The following ANKS1B variants were observed in gnomAD, a reference collection of about 807,000 sequenced individuals.
ANKS1B encodes the protein ankyrin repeat and sterile alpha motif domain-containing protein 1B.
In ANKS1B, 36 loss-of-function variants were observed where a neutral mutation model predicts 148.3. That is an observed-to-expected ratio of 0.24 (90% CI 0.19 to 0.32). The LOEUF is 0.32. ANKS1B is among the 10% of genes least tolerant of loss of function. The pLI is 1.00. For synonymous variants in ANKS1B, 542 were observed against 560.8 expected, an observed-to-expected ratio of 0.97 and a Z score of 0.47; for missense variants, 1,157 against 1,542.6, an observed-to-expected ratio of 0.75 and a Z score of 4.19.
At chr12:99,971,236 T>G (rs2095554487) in intron 1 of ANKS1B, among the ~76,000 whole-genome samples, 1 of 152,196 alleles carries the variant, frequency 6.6e-6, no homozygotes, top group Non-Finnish European at 1.5e-5. Flanking sequence ...CGTTCTCTGC[T>G]TATGTCTTCA....
At chr12:99,540,218 G>A (rs2097111903) in intron 9 of ANKS1B, among the ~76,000 whole-genome samples, 1 of 152,076 alleles carries the variant, frequency 6.6e-6, no homozygotes, top group African/African-American at 2.4e-5. Context: ...AATAGTTGGA[G>A]ACTTCAATAT....
intron 3 of ANKS1B, 129 bp downstream of exon 3, chr12:99,812,026 T>C: frequency 1.7e-6 from 2 of 1,153,756 alleles, no homozygotes; most frequent in Non-Finnish European, 2.4e-6. Flanking sequence ...TTCAAATTTC[T>C]CCTTTTAGGA....
chr12:99,909,217 C>CGTGTGTGTGTGT (rs60264932), intron 1 of ANKS1B, among the ~76,000 whole-genome samples: 4 of 137,394 alleles, frequency 2.9e-5, no homozygotes, highest in African/African-American at 1.1e-4. Flanking sequence ...AATATTCCAT[C>CGTGTGTGTGTGT]GTGTGTGTGT....
At chr12:99,291,737 A>C (rs746390531) in intron 12 of ANKS1B, among the ~76,000 whole-genome samples, 48 of 152,168 alleles carry the variant, frequency 3.2e-4, no homozygotes, top group Non-Finnish European at 6.0e-4. Context: ...ATAAAAAATC[A>C]CACTACCTGA....
intron 12 of ANKS1B, among the ~76,000 whole-genome samples, chr12:99,291,392 T>G (rs1440245219): frequency 6.6e-6 from 1 of 151,990 alleles, no homozygotes; most frequent in Non-Finnish European, 1.5e-5. Context: ...GAAAAAAAAT[T>G]TCCTAAAATT....
At chr12:99,024,449 A>T (rs1423758870) in intron 17 of ANKS1B, among the ~76,000 whole-genome samples, 2 of 152,176 alleles carry the variant, frequency 1.3e-5, no homozygotes, top group Admixed American at 1.3e-4. Context: ...GCAAACAATG[A>T]TCAAATAAAC....
At chr12:99,524,341 A>G (rs2096905342) in intron 9 of ANKS1B, among the ~76,000 whole-genome samples, 1 of 152,206 alleles carries the variant, frequency 6.6e-6, no homozygotes, top group South Asian at 2.1e-4. Flanking sequence ...TGGCTCTGAA[A>G]GATGTCCATG....
chr12:99,354,845 A>G (rs1036877231), intron 12 of ANKS1B, among the ~76,000 whole-genome samples: 2 of 151,984 alleles, frequency 1.3e-5, no homozygotes, highest in African/African-American at 4.8e-5. Context: ...TAAGTATATG[A>G]CTCAAACAAT....
In ANKS1B at chr12:99,528,445, A is replaced by AAC. The variant is rs201228606; in HGVS notation, c.1273-23805_1273-23804insGT. 7.7e-3 allele frequency among the ~76,000 whole-genome samples: 1,130 copies of AAC among 146,540 alleles called. 29 individuals are homozygous for AAC. The highest frequency in any genetic ancestry group is 0.067 in the South Asian group (306 of 4,574). On this transcript the variant is annotated intron_variant, in intron 9 of 26. Transcript: ENST00000683438. Reference sequence around the variant, plus strand: ...CAAAAACAAAAACAAAAAAAAAAACAAAAAAAAAACCATCAACAGAGTAAA... The same window carrying AAC: ...CAAAAACAAAAACAAAAAAAAAAACAACAAAAAAAAACCATCAACAGAGTAAA...
rs574780926 is a variant in ANKS1B, at chr12:99,753,424, C to T, written c.1128+19498G>A. Among the ~76,000 whole-genome samples the T allele has an allele frequency of 2.7e-3, 412 of 152,186 alleles. 5 individuals are homozygous for T. The highest frequency in any genetic ancestry group is 1.1e-3 in the Non-Finnish European group (74 of 67,990). On this transcript the variant is annotated intron_variant, in intron 8 of 26. Transcript: ENST00000683438. ...AGGGGTAGTAACAGAATCGGAAGAT[C>T]TTGACATTCTTGAACTCCAAGAAGA...
intron 8 of ANKS1B, among the ~76,000 whole-genome samples, chr12:99,717,394 A>G (rs1435022202): frequency 2.0e-5 from 3 of 152,138 alleles, no homozygotes; most frequent in African/African-American, 7.2e-5. Flanking sequence ...GCATACAAGA[A>G]CTTCCAAACG....
At chr12:99,095,987 T>C (rs1224676483) in intron 15 of ANKS1B, among the ~76,000 whole-genome samples, 1 of 152,102 alleles carries the variant, frequency 6.6e-6, no homozygotes, top group African/African-American at 2.4e-5. Context: ...AATCTGGGAG[T>C]GGGTTTCAGC....
chr12:99,743,235 C>G lies in ANKS1B; in HGVS notation c.1128+29687G>C, dbSNP rs530949007. 1.6e-4 allele frequency among the ~76,000 whole-genome samples: 25 copies of G among 152,220 alleles called. No homozygotes were observed. The South Asian group carries it at 5.0e-3, about 30-fold the overall frequency. ...CAGATATAGGGAAAGACTTTTGTCT[C>G]AAGCACGACAAAATCTAGAGGTTCA... is the stretch of plus-strand genomic sequence containing the variant. On this transcript the variant is annotated intron_variant, in intron 8 of 26. Coordinates refer to ENST00000683438, the MANE Select transcript of ANKS1B (RefSeq NM_001352186.2).
chr12:98,949,013 C>A (rs1221246574), intron 17 of ANKS1B, among the ~76,000 whole-genome samples: 1 of 129,424 alleles, frequency 7.7e-6, no homozygotes, highest in African/African-American at 3.1e-5. Flanking sequence ...AGTGCAGTGG[C>A]GTGATCTCGG....
intron 14 of ANKS1B, among the ~76,000 whole-genome samples, chr12:99,229,950 G>GA (rs1476083961): frequency 6.6e-6 from 1 of 151,708 alleles, no homozygotes; most frequent in African/African-American, 2.4e-5. Context: ...CTGGAAATAT[G>GA]AAATCATTAT....
intron 8 of ANKS1B, among the ~76,000 whole-genome samples, chr12:99,763,645 C>T (rs2062372435): frequency 6.6e-6 from 1 of 151,572 alleles, no homozygotes; most frequent in African/African-American, 2.4e-5. Context: ...ATGTACCTCA[C>T]TGAACCTAAA....
intron 16 of ANKS1B, among the ~76,000 whole-genome samples, chr12:99,057,293 G>A (rs887762412): frequency 5.9e-5 from 9 of 152,172 alleles, no homozygotes; most frequent in African/African-American, 2.2e-4. Context: ...GCCTAGCACA[G>A]TGATTTGAAT....
At chr12:99,259,780 CCT>C (rs60148041) in intron 12 of ANKS1B, among the ~76,000 whole-genome samples, 23,965 of 152,158 alleles carry the variant, frequency 0.16, 2,454 homozygotes, top group Non-Finnish European at 0.24. Flanking sequence ...ACACGTCTTT[CCT>C]CTGTTACCCT....
At chr12:99,705,446 G>A (rs1342918633) in intron 8 of ANKS1B, among the ~76,000 whole-genome samples, 1 of 152,096 alleles carries the variant, frequency 6.6e-6, no homozygotes, top group Non-Finnish European at 1.5e-5. Context: ...ATCTAAAGAT[G>A]CTGTTGTCAA....
Sources: gnomAD v4.1 joint callset for allele counts (sites outside exome capture counted in the v4.1 genomes callset) on GRCh38, gnomAD v4.1.1 for gene constraint, MANE v1.5 for transcripts, NCBI Gene and HGNC (gene_info 2026-07-23, HGNC 2026-07-21) for gene names.